The following NELL1 variants were observed in gnomAD, a reference collection of about 807,000 sequenced individuals.
NELL1 encodes the protein neural EGFL like 1.
A neutral mutation model predicts 107.4 loss-of-function variants in NELL1; 76 were observed. The observed-to-expected ratio is 0.71, with a 90% confidence interval of 0.59 to 0.86. The LOEUF (loss-of-function observed/expected upper bound fraction) is 0.86, where lower values mean the gene tolerates loss of function less well. Ranked by LOEUF, NELL1 falls within the 40% of genes least tolerant of loss-of-function variation. NELL1 has a pLI of 0.00. For synonymous variants in NELL1, 353 were observed against 341.2 expected, an observed-to-expected ratio of 1.03 and a Z score of -0.38; for missense variants, 1,024 against 1,005.5, an observed-to-expected ratio of 1.02 and a Z score of -0.25.
intron 4 of NELL1, among the ~76,000 whole-genome samples, chr11:20,875,673 G>C (rs1335863182): frequency 5.9e-5 from 9 of 152,314 alleles, no homozygotes; most frequent in Middle Eastern, 3.4e-3. Context: ...AGTCTTATAT[G>C]ATCTGGTTAT....
intron 15 of NELL1, among the ~76,000 whole-genome samples, chr11:21,528,210 A>G (rs1438505133): frequency 6.6e-6 from 1 of 152,184 alleles, no homozygotes; most frequent in Non-Finnish European, 1.5e-5. Flanking sequence ...TAGTTTTTAG[A>G]TTGATCTCAT....
At chr11:20,997,898 G>C (rs1852126686) in intron 12 of NELL1, among the ~76,000 whole-genome samples, 4 of 152,070 alleles carry the variant, frequency 2.6e-5, no homozygotes, top group Admixed American at 2.6e-4. Context: ...CTTGAGCCCA[G>C]GAGTTCTAAA....
At chr11:21,448,021 CCTT>C (rs1286592370) in intron 15 of NELL1, among the ~76,000 whole-genome samples, 1 of 152,202 alleles carries the variant, frequency 6.6e-6, no homozygotes, top group Non-Finnish European at 1.5e-5. Flanking sequence ...GCTTTTCTCT[CCTT>C]CTCCCAAACG....
At position 21,010,863 on chromosome 11, in the gene NELL1, G is replaced by A. The variant is rs117580108; in HGVS notation, c.1300+50303G>A. On this transcript the variant is annotated intron_variant, in intron 12 of 19. Coordinates refer to ENST00000357134, the MANE Select transcript of NELL1 (RefSeq NM_006157.5). ...GTCTTGAGCTGTGTCACCTTGTAAA[G>A]TACTGTTCTACCTTGGGCTGCCCAG... is the stretch of plus-strand genomic sequence containing the variant. Among the ~76,000 whole-genome samples the A allele has an allele frequency of 4.5e-3, 682 of 152,202 alleles. 7 individuals are homozygous for A. Among genetic ancestry groups the A allele is most frequent in the Non-Finnish European group, 4.0e-3 (272 of 68,000 alleles).
intron 19 of NELL1, among the ~76,000 whole-genome samples, chr11:21,574,192 G>A (rs974620153): frequency 1.3e-5 from 2 of 151,706 alleles, no homozygotes; most frequent in Admixed American, 1.3e-4. Flanking sequence ...TCAAACCCTG[G>A]CTCAGCTTCA....
At chr11:20,810,529 T>C (rs952897650) in intron 3 of NELL1, among the ~76,000 whole-genome samples, 11 of 152,250 alleles carry the variant, frequency 7.2e-5, no homozygotes, top group African/African-American at 2.4e-4. Context: ...CTCATCCAGA[T>C]CACTGCAAAT....
intron 15 of NELL1, among the ~76,000 whole-genome samples, chr11:21,526,696 G>T (rs1355247987): frequency 2.0e-5 from 3 of 152,168 alleles, no homozygotes; most frequent in Non-Finnish European, 4.4e-5. Flanking sequence ...CCACATTGAA[G>T]CTGTTAAGGG....
At chr11:20,939,601 C>A (rs1850806020) in intron 10 of NELL1, among the ~76,000 whole-genome samples, 1 of 152,052 alleles carries the variant, frequency 6.6e-6, no homozygotes, top group Admixed American at 6.6e-5. Context: ...AGAATTCGAC[C>A]CCTTTATCCT....
rs527612453 is a variant in NELL1, at chr11:20,833,112, T to C, written c.336-14471T>C. Among the ~76,000 whole-genome samples, 9 of 152,322 alleles carry C rather than the reference T, an allele frequency of 5.9e-5. No homozygotes were observed. The South Asian group carries it at 1.9e-3, about 32-fold the overall frequency. ...CAAGAGGGCCTGGCTTAGGCATCAT[T>C]GTCCTAGTTTTGTGTCTTTGGTCAT... On this transcript the variant is annotated intron_variant, in intron 3 of 19. Transcript: ENST00000357134.
intron 15 of NELL1, among the ~76,000 whole-genome samples, chr11:21,384,507 A>G (rs1054680922): frequency 7.2e-5 from 11 of 152,100 alleles, no homozygotes; most frequent in East Asian, 3.9e-4. Context: ...CAGGTTAGTT[A>G]CATAGGTATA....
At chr11:21,369,328 C>T (rs770284702) in intron 14 of NELL1, among the ~76,000 whole-genome samples, 3 of 147,382 alleles carry the variant, frequency 2.0e-5, no homozygotes, top group Non-Finnish European at 3.0e-5. Context: ...TTATATATTT[C>T]GTTTTCTGTG....
intron 15 of NELL1, among the ~76,000 whole-genome samples, chr11:21,505,759 A>G (rs984722925): frequency 9.2e-5 from 14 of 152,182 alleles, no homozygotes; most frequent in Admixed American, 5.2e-4. Context: ...AGCAACTTTA[A>G]TCATCCCCTC....
intron 14 of NELL1, among the ~76,000 whole-genome samples, chr11:21,251,342 A>G (rs146331390): frequency 3.3e-5 from 5 of 152,242 alleles, no homozygotes; most frequent in African/African-American, 1.2e-4. Context: ...TATTCCCCCA[A>G]TATAAAAGGA....
chr11:20,676,532 T>A lies in NELL1; in HGVS notation c.56-1400T>A, dbSNP rs372466236. ...GTTCAGGGGACAAGGGGAAGTCTGA[T>A]AGAAACTGAGAAGGCAGTTATAGAC... On this transcript the variant is annotated intron_variant, in intron 1 of 19. Transcript: ENST00000357134. Among the ~76,000 whole-genome samples the A allele has an allele frequency of 2.7e-3, 407 of 152,306 alleles. 6 individuals carry two copies. In the South Asian group the frequency reaches 0.027, roughly 10 times the overall value.
At chr11:20,715,270 A>G (rs1344192278) in intron 2 of NELL1, among the ~76,000 whole-genome samples, 1 of 147,364 alleles carries the variant, frequency 6.8e-6, no homozygotes, top group East Asian at 2.0e-4. Context: ...ATTCCTAGTG[A>G]GGATGGATGA....
chr11:20,826,773 G>A (rs1402020064), intron 3 of NELL1, among the ~76,000 whole-genome samples: 1 of 151,164 alleles, frequency 6.6e-6, no homozygotes, highest in African/African-American at 2.4e-5. Context: ...AACTAATCTC[G>A]GTATTTGCCT....
Position 21,232,147 on chromosome 11 carries a change from T to TAA in NELL1, c.1549+2705_1549+2706dup, listed in dbSNP as rs869244876. 9.3e-3 allele frequency among the ~76,000 whole-genome samples: 841 copies of TAA among 90,478 alleles called. 22 individuals carry two copies. Among genetic ancestry groups the TAA allele is most frequent in the Middle Eastern group, 0.034 (6 of 176 alleles). 59.4% of individuals were successfully genotyped at this position (90,478 alleles called of 152,430 possible). A position where few individuals can be genotyped will look rare whatever the true frequency, so the allele number is the denominator to read the frequency against. ...AAACTCCATCTCTACTAAAAAAAAA[T>TAA]AAAAAAAAAAAAATATATATATATA... On this transcript the variant is annotated intron_variant, in intron 14 of 19. Transcript: ENST00000357134.
At chr11:21,164,727 T>C (rs1590696252) in intron 13 of NELL1, among the ~76,000 whole-genome samples, 1 of 152,302 alleles carries the variant, frequency 6.6e-6, no homozygotes, top group East Asian at 1.9e-4. Context: ...CTGTGTTACA[T>C]TCTTGTCAAG....
At chr11:20,962,955 A>C (rs1419803687) in intron 12 of NELL1, among the ~76,000 whole-genome samples, 1 of 152,192 alleles carries the variant, frequency 6.6e-6, no homozygotes, top group East Asian at 1.9e-4. Context: ...CTCATGGGTT[A>C]AAGCAGGGGT....
Sources: gnomAD v4.1 joint callset for allele counts (sites outside exome capture counted in the v4.1 genomes callset) on GRCh38, gnomAD v4.1.1 for gene constraint, MANE v1.5 for transcripts, NCBI Gene and HGNC (gene_info 2026-07-23, HGNC 2026-07-21) for gene names.